Variants in PLCL1 observed in about 807,000 individuals in gnomAD.
PLCL1 encodes the protein inactive phospholipase C-like protein 1.
PLCL1 carries 41 observed loss-of-function variants against 84.4 expected under a neutral mutation model. That is an observed-to-expected ratio of 0.49 (90% confidence interval 0.38 to 0.63). The LOEUF (loss-of-function observed/expected upper bound fraction) is 0.63. PLCL1 is among the 30% of genes least tolerant of loss of function. PLCL1 has a pLI of 0.00. For missense variants in PLCL1, 1,206 were observed against 1,367.8 expected, an observed-to-expected ratio of 0.88 and a Z score of 1.87; for synonymous variants, 490 against 488.3, an observed-to-expected ratio of 1.00 and a Z score of -0.05.
chr2:197,881,591 A>G (rs2105715572), intron 1 of PLCL1, among the ~76,000 whole-genome samples: 1 of 151,902 alleles, frequency 6.6e-6, no homozygotes, highest in South Asian at 2.1e-4. Context: ...TTGGCAACTC[A>G]CTTAACCTCT....
chr2:197,947,677 C>G (rs925465277), intron 1 of PLCL1, among the ~76,000 whole-genome samples: 1 of 152,122 alleles, frequency 6.6e-6, no homozygotes, highest in Non-Finnish European at 1.5e-5. Context: ...CAGATAAAAG[C>G]AGAGAGGAAG....
intron 1 of PLCL1, among the ~76,000 whole-genome samples, chr2:198,003,479 A>G (rs1212106422): frequency 6.6e-6 from 1 of 152,190 alleles, no homozygotes; most frequent in African/African-American, 2.4e-5. Flanking sequence ...GGACTCTTGT[A>G]TTGGTTCGTT....
At position 198,147,987 on chromosome 2, in the gene PLCL1, T is replaced by C. The variant is rs1031462004; in HGVS notation, c.*1025T>C. On this transcript the variant is annotated 3_prime_UTR_variant, in exon 6 of 6. Coordinates refer to ENST00000428675, the MANE Select transcript of PLCL1 (RefSeq NM_006226.4). The stretch of plus-strand genomic sequence containing the variant: ...TATAAATTCTGTGGGTCCGATAATA[T>C]CTTTGTGATAATTTAAGAGCTAACC... 6.6e-6 allele frequency: 1 copy of C among 152,290 alleles called. No homozygotes were observed. The highest frequency in any genetic ancestry group is 1.5e-5 in the Non-Finnish European group (1 of 68,018). The allele number at this position is 152,290 out of a possible 1,614,324, so 9.4% of individuals were successfully genotyped here. A position where few individuals can be genotyped will look rare whatever the true frequency, so the allele number is the denominator to read the frequency against.
Position 198,086,111 on chromosome 2 carries a change from TG to T in PLCL1, c.2598del (p.Lys867ArgfsTer23). The T allele has an allele frequency of 6.2e-7, 1 of 1,613,980 alleles. No homozygotes were observed. The highest frequency in any genetic ancestry group is 8.5e-7 in the Non-Finnish European group (1 of 1,179,958). On this transcript the variant is annotated frameshift_variant, in exon 2 of 6. Coordinates refer to ENST00000428675, the MANE Select transcript of PLCL1 (RefSeq NM_006226.4). LOFTEE classifies it high-confidence loss of function. ...CAGAAGCGCAGTCTTTCAGTGAGAATGGGGAAGAAAGTTCGGGAATATACCA... is the reference window on the plus strand; with the variant it reads ...CAGAAGCGCAGTCTTTCAGTGAGAATGGGAAGAAAGTTCGGGAATATACCA... ...KAQKRSLSVR[M>X]GKKVREYTML...
intron 1 of PLCL1, among the ~76,000 whole-genome samples, chr2:197,889,663 G>A (rs970107746): frequency 6.6e-6 from 1 of 151,994 alleles, no homozygotes; most frequent in Non-Finnish European, 1.5e-5. Context: ...ATTCAAAGTT[G>A]ATCCAAACTA....
intron 5 of PLCL1, among the ~76,000 whole-genome samples, chr2:198,137,428 T>A (rs980565348): frequency 1.3e-5 from 2 of 152,190 alleles, no homozygotes; most frequent in Non-Finnish European, 2.9e-5. Context: ...TCTTTCAGTA[T>A]AAATGTCAAT....
At chr2:198,005,934 C>G (rs1397993587) in intron 1 of PLCL1, among the ~76,000 whole-genome samples, 1 of 152,218 alleles carries the variant, frequency 6.6e-6, no homozygotes, top group Non-Finnish European at 1.5e-5. Flanking sequence ...CTTGATAACA[C>G]AGTTAATGTG....
chr2:198,061,410 C>T (rs527922408), intron 1 of PLCL1, among the ~76,000 whole-genome samples: 1 of 152,056 alleles, frequency 6.6e-6, no homozygotes, highest in South Asian at 2.1e-4. Flanking sequence ...GTTAACCGTT[C>T]GAATCCTCTT....
At chr2:197,923,211 C>CCA (rs1688750712) in intron 1 of PLCL1, among the ~76,000 whole-genome samples, 1 of 132,850 alleles carries the variant, frequency 7.5e-6, no homozygotes, top group African/African-American at 2.8e-5. Flanking sequence ...GGGGGGCTGA[C>CCA]CCCCCACCTC....
intron 1 of PLCL1, among the ~76,000 whole-genome samples, chr2:197,976,683 G>A (rs759534894): frequency 3.3e-5 from 5 of 152,228 alleles, no homozygotes; most frequent in Middle Eastern, 3.4e-3. Context: ...TCCTGACCTC[G>A]TGATCCACCC....
chr2:198,089,914 T>C (rs1692979841), intron 3 of PLCL1, among the ~76,000 whole-genome samples: 1 of 152,162 alleles, frequency 6.6e-6, no homozygotes, highest in Admixed American at 6.5e-5. Flanking sequence ...ATTGACATGT[T>C]TTTTCTCTTT....
chr2:197,947,143 G>A (rs940419514), intron 1 of PLCL1, among the ~76,000 whole-genome samples: 29 of 151,066 alleles, frequency 1.9e-4, no homozygotes, highest in Non-Finnish European at 7.4e-5. Flanking sequence ...AGGGGAGTGA[G>A]GACAGATAAT....
chr2:197,854,257 A>G (rs1192316668), intron 1 of PLCL1, among the ~76,000 whole-genome samples: 1 of 152,208 alleles, frequency 6.6e-6, no homozygotes, highest in Non-Finnish European at 1.5e-5. Flanking sequence ...AGTGACCAGC[A>G]ATAGTATGAG....
intron 1 of PLCL1, among the ~76,000 whole-genome samples, chr2:198,063,921 G>A (rs548146634): frequency 2.0e-5 from 3 of 152,296 alleles, no homozygotes; most frequent in South Asian, 2.1e-4. Context: ...TTAAGAGCAA[G>A]TACTCCAGGA....
intron 1 of PLCL1, among the ~76,000 whole-genome samples, chr2:197,933,579 G>T (rs756260263): frequency 6.6e-6 from 1 of 152,128 alleles, no homozygotes; most frequent in East Asian, 1.9e-4. Context: ...TAAGGAAAAG[G>T]CTGTGATATT....
At chr2:198,133,955 T>C (rs1694190859) in intron 5 of PLCL1, among the ~76,000 whole-genome samples, 1 of 152,172 alleles carries the variant, frequency 6.6e-6, no homozygotes, top group Middle Eastern at 3.2e-3. Context: ...AAGAGTATTG[T>C]AGTTATACAG....
rs117160670 is a variant in PLCL1, at chr2:197,964,930, C to T, written c.241-118828C>T. Among the ~76,000 whole-genome samples the T allele has an allele frequency of 2.6e-5, 4 of 151,964 alleles. No homozygotes were observed. In the East Asian group the frequency reaches 7.7e-4, roughly 29 times the overall value. Reference sequence around the variant, plus strand: ...CATCCTTGCATTCCTAAGATAAATCCCACTTGGTCATGATGAATGATTTTT... The same window carrying T: ...CATCCTTGCATTCCTAAGATAAATCTCACTTGGTCATGATGAATGATTTTT... On this transcript the variant is annotated intron_variant, in intron 1 of 5. Coordinates refer to ENST00000428675, the MANE Select transcript of PLCL1 (RefSeq NM_006226.4).
intron 1 of PLCL1, among the ~76,000 whole-genome samples, chr2:197,962,793 G>T (rs1689650636): frequency 6.6e-6 from 1 of 151,788 alleles, no homozygotes; most frequent in Non-Finnish European, 1.5e-5. Flanking sequence ...CCATGGGTTT[G>T]TTTTTATTTT....
Position 198,085,987 on chromosome 2 carries a change from C to T in PLCL1, c.2470C>T (p.Arg824Trp). The T allele has an allele frequency of 1.9e-6, 3 of 1,613,978 alleles. No homozygotes were observed. The highest frequency in any genetic ancestry group is 2.5e-6 in the Non-Finnish European group (3 of 1,179,960). ...ATTTGAATGTTTGCAGCCTGGATAT[C>T]GGCATGTTCCCCTGCGTTCTTTTGT... Reference protein sequence around the residue: ...IPFECLQPGYRHVPLRSFVGD... With the variant: ...IPFECLQPGYWHVPLRSFVGD... Residue 824 changes from arginine (R) to tryptophan (W), a missense_variant, in exon 2 of 6, where the codon CGG (arginine) becomes TGG (tryptophan). Arg to Trp is a moderately radical substitution (Grantham distance 101). Transcript: ENST00000428675. The surrounding 1 kb of genome is among the most constrained non-coding windows in gnomAD (Gnocchi z 5.3).
Sources: gnomAD v4.1 joint callset for allele counts (sites outside exome capture counted in the v4.1 genomes callset) on GRCh38, gnomAD v4.1.1 for gene constraint, Gnocchi (gnomAD v3.1) non-coding constraint, MANE v1.5 for transcripts, NCBI Gene and HGNC (gene_info 2026-07-23, HGNC 2026-07-21) for gene names.